PLCB1: variants seen among roughly 807,000 people sequenced by gnomAD.
PLCB1 encodes the protein phospholipase C beta 1.
PLCB1 carries 46 observed loss-of-function variants against 161.8 expected under a neutral mutation model. The observed-to-expected ratio is 0.28, with a 90% confidence interval of 0.22 to 0.36. The LOEUF (loss-of-function observed/expected upper bound fraction) is 0.36, where lower values mean the gene tolerates loss of function less well. Ranked by LOEUF, PLCB1 falls within the 10% of genes least tolerant of loss-of-function variation. The probability of loss-of-function intolerance (pLI) is 1.00; values close to 1 mark genes in which losing one functional copy is unlikely to be tolerated. For missense variants in PLCB1, 1,016 were observed against 1,472.5 expected, an observed-to-expected ratio of 0.69 and a Z score of 5.07; for synonymous variants, 517 against 503.7, an observed-to-expected ratio of 1.03 and a Z score of -0.35.
At chr20:8,419,789 A>G (rs1979462260) in intron 3 of PLCB1, among the ~76,000 whole-genome samples, 1 of 152,228 alleles carries the variant, frequency 6.6e-6, no homozygotes, top group African/African-American at 2.4e-5. Flanking sequence ...ATGGCAGGAA[A>G]TGGAACCAGC....
chr20:8,825,842 T>C (rs1985668323), intron 31 of PLCB1, among the ~76,000 whole-genome samples: 1 of 152,008 alleles, frequency 6.6e-6, no homozygotes, highest in African/African-American at 2.4e-5. Flanking sequence ...TTTATGACAG[T>C]GGTGATGGAC....
chr20:8,878,197 C>T (rs1257218889), intron 31 of PLCB1, among the ~76,000 whole-genome samples: 1 of 152,110 alleles, frequency 6.6e-6, no homozygotes, highest in Non-Finnish European at 1.5e-5. Flanking sequence ...AGCTGAAGGT[C>T]CCCCAGTTCA....
chr20:8,709,985 T>C (rs1354130721), intron 12 of PLCB1, among the ~76,000 whole-genome samples: 2 of 152,344 alleles, frequency 1.3e-5, no homozygotes, highest in South Asian at 2.1e-4. Context: ...CAATTGACTC[T>C]GTTAAACAAT....
chr20:8,877,699 C>G (rs1266209542), intron 31 of PLCB1, among the ~76,000 whole-genome samples: 1 of 152,152 alleles, frequency 6.6e-6, no homozygotes, highest in Non-Finnish European at 1.5e-5. Flanking sequence ...ACCCTGTATT[C>G]TTTTCATATT....
chr20:8,864,146 A>C (rs1371459861), intron 31 of PLCB1, among the ~76,000 whole-genome samples: 1 of 152,174 alleles, frequency 6.6e-6, no homozygotes, highest in African/African-American at 2.4e-5. Context: ...TTTGATTTGA[A>C]GTGCTGCAAA....
chr20:8,312,699 T>A (rs1984461879), intron 2 of PLCB1, among the ~76,000 whole-genome samples: 1 of 152,202 alleles, frequency 6.6e-6, no homozygotes, highest in African/African-American at 2.4e-5. Context: ...AAGGGCATCG[T>A]TTACACCCAT....
At chr20:8,603,421 G>A (rs1262578553) in intron 3 of PLCB1, among the ~76,000 whole-genome samples, 3 of 152,164 alleles carry the variant, frequency 2.0e-5, no homozygotes, top group Non-Finnish European at 4.4e-5. Flanking sequence ...CGACCTTTCT[G>A]GTAATCCCAG....
At chr20:8,334,902 CA>C (rs1985516350) in intron 2 of PLCB1, among the ~76,000 whole-genome samples, 1 of 152,198 alleles carries the variant, frequency 6.6e-6, no homozygotes, top group African/African-American at 2.4e-5. Context: ...AGAACATTCT[CA>C]GGTGCTCTTG....
intron 3 of PLCB1, among the ~76,000 whole-genome samples, chr20:8,476,271 C>T (rs948415900): frequency 6.6e-6 from 1 of 152,142 alleles, no homozygotes; most frequent in Non-Finnish European, 1.5e-5. Context: ...CCTGAAGAAA[C>T]CACAGATCAG....
chr20:8,234,037 A>G (rs1980202483), intron 2 of PLCB1, among the ~76,000 whole-genome samples: 1 of 152,068 alleles, frequency 6.6e-6, no homozygotes, highest in African/African-American at 2.4e-5. Flanking sequence ...TGGGTATTCT[A>G]GTGTTCATAT....
chr20:8,455,581 C>T (rs1981277666), intron 3 of PLCB1, among the ~76,000 whole-genome samples: 2 of 151,556 alleles, frequency 1.3e-5, no homozygotes, highest in Admixed American at 6.6e-5. Context: ...GCTGGGACTA[C>T]CGGCACCCGC....
At chr20:8,735,818 C>G (rs1453405645) in intron 19 of PLCB1, among the ~76,000 whole-genome samples, 1 of 152,220 alleles carries the variant, frequency 6.6e-6, no homozygotes. Flanking sequence ...CCCATGCACT[C>G]AAGCCAAATA....
In PLCB1 at chr20:8,628,363, G is replaced by A. The variant is rs1181797347; in HGVS notation, c.316G>A (p.Val106Met). 6.2e-7 allele frequency: 1 copy of A among 1,614,082 alleles called. No individual in the cohort carries two copies. The highest frequency in any genetic ancestry group is 1.3e-5 in the African/African-American group (1 of 75,032). ...CCTGGAGCAGCGCATGATCACAGTG[G>A]TGTATGGGCCTGACCTCGTGAACAT... ...GRLEQRMITV[V>M]YGPDLVNISH... Residue 106 changes from valine to methionine, a missense_variant, in exon 4 of 32, where the codon GTG becomes ATG. Val to Met is a conservative substitution (Grantham distance 21). Transcript: ENST00000338037.
intron 3 of PLCB1, among the ~76,000 whole-genome samples, chr20:8,515,393 C>T (rs1001882417): frequency 2.2e-4 from 33 of 152,180 alleles, no homozygotes; most frequent in Admixed American, 1.8e-3. Context: ...AAAATTTCCA[C>T]CCTAATCATT....
At chr20:8,386,717 G>A (rs1987435285) in intron 3 of PLCB1, among the ~76,000 whole-genome samples, 1 of 152,164 alleles carries the variant, frequency 6.6e-6, no homozygotes, top group Non-Finnish European at 1.5e-5. Flanking sequence ...GTACTAGATG[G>A]CATCATCTTC....
At chr20:8,592,878 C>T (rs778219128) in intron 3 of PLCB1, among the ~76,000 whole-genome samples, 30 of 152,160 alleles carry the variant, frequency 2.0e-4, no homozygotes, top group Non-Finnish European at 3.8e-4. Context: ...AGGGAAGGCC[C>T]TGCAGTGGCC....
chr20:8,193,275 A>AAAG (rs2051989018), intron 2 of PLCB1, among the ~76,000 whole-genome samples: 1 of 152,060 alleles, frequency 6.6e-6, no homozygotes, highest in Non-Finnish European at 1.5e-5. Context: ...TCTGTAATGT[A>AAAG]TCTTACGGAA....
intron 3 of PLCB1, among the ~76,000 whole-genome samples, chr20:8,486,145 A>G (rs724163): frequency 0.52 from 79,159 of 152,000 alleles, 21,635 homozygotes; most frequent in East Asian, 0.65. Context: ...CCATGATCCA[A>G]TTACCTCCAC....
intron 2 of PLCB1, among the ~76,000 whole-genome samples, chr20:8,161,078 C>CA (rs1414317111): frequency 4.6e-5 from 7 of 151,990 alleles, no homozygotes; most frequent in Non-Finnish European, 1.0e-4. Flanking sequence ...TCACCAACAG[C>CA]AAACACATAT....
Sources: gnomAD v4.1 joint callset for allele counts (sites outside exome capture counted in the v4.1 genomes callset) on GRCh38, gnomAD v4.1.1 for gene constraint, MANE v1.5 for transcripts, NCBI Gene and HGNC (gene_info 2026-07-23, HGNC 2026-07-21) for gene names.